PLB1: variants seen among roughly 807,000 people sequenced by gnomAD.
The protein encoded by PLB1 is phospholipase B1, membrane-associated.
A neutral mutation model predicts 227.4 loss-of-function variants in PLB1; 242 were observed. That is an observed-to-expected ratio of 1.06 (90% confidence interval 0.96 to 1.18). PLB1 has a LOEUF of 1.18. Among genes scored for constraint, PLB1 ranks in the 50% most tolerant of loss-of-function variants. The pLI is 0.00. For synonymous variants in PLB1, 757 were observed against 682.2 expected, an observed-to-expected ratio of 1.11 and a Z score of -1.71; for missense variants, 1,858 against 1,816.3, an observed-to-expected ratio of 1.02 and a Z score of -0.42.
intron 25 of PLB1, among the ~76,000 whole-genome samples, chr2:28,585,298 C>T (rs933265712): frequency 1.3e-5 from 2 of 150,576 alleles, no homozygotes; most frequent in African/African-American, 4.9e-5. Flanking sequence ...TCTTTTGAGA[C>T]AGAGTCTCGC....
intron 16 of PLB1, among the ~76,000 whole-genome samples, chr2:28,551,546 C>T (rs966741708): frequency 4.6e-5 from 7 of 152,132 alleles, no homozygotes; most frequent in Non-Finnish European, 8.8e-5. Flanking sequence ...GTGAAAGACT[C>T]GATTTATCAA....
chr2:28,532,056 G>T, intron 8 of PLB1, 52 bp from the exon 9 acceptor site: 4 of 1,329,180 alleles, frequency 3.0e-6, no homozygotes, highest in Non-Finnish European at 3.2e-6. Flanking sequence ...ACATTATTTT[G>T]GTTCAAGGTC....
intron 17 of PLB1, among the ~76,000 whole-genome samples, chr2:28,558,578 T>C (rs1157716570): frequency 2.4e-4 from 37 of 152,216 alleles, no homozygotes; most frequent in Admixed American, 2.4e-3. Flanking sequence ...TGATTTGCTA[T>C]TGTTCTTCTA....
chr2:28,591,698 AG>A lies in PLB1; in HGVS notation c.2129del. On this transcript the variant is annotated splice_acceptor_variant, in intron 30 of 57. Coordinates refer to ENST00000327757, the MANE Select transcript of PLB1 (RefSeq NM_153021.5). LOFTEE classifies it high-confidence loss of function. ...ATTCTGGGATTTGTTCTATGCCCTT[AG>A]GGTCATGGGACCTGGCTGCCATGCA... 6.2e-7 allele frequency: 1 copy of A among 1,613,900 alleles called. No homozygotes were observed. The highest frequency in any genetic ancestry group is 8.5e-7 in the Non-Finnish European group (1 of 1,179,910).
Position 28,643,101 on chromosome 2 carries a change from C to G in PLB1, c.*40C>G. ...CCTCACCCTAAACTCCCTATAGCCA[C>G]TCTCTTCACCGCCCTCTGCCCCAGC... On this transcript the variant is annotated 3_prime_UTR_variant, in exon 58 of 58. Transcript: ENST00000327757. 1.3e-6 allele frequency: 2 copies of G among 1,507,242 alleles called. No individual in the cohort carries two copies. The highest frequency in any genetic ancestry group is 1.8e-6 in the Non-Finnish European group (2 of 1,118,518). 93.4% of individuals were successfully genotyped at this position (1,507,242 alleles called of 1,614,324 possible).
chr2:28,567,813 T>C (rs1677306540), intron 20 of PLB1, among the ~76,000 whole-genome samples: 1 of 152,200 alleles, frequency 6.6e-6, no homozygotes, highest in South Asian at 2.1e-4. Flanking sequence ...TTTTTAAAAT[T>C]CTCGCCAGTG....
In PLB1 at chr2:28,525,316, C is replaced by T. The variant is rs1321402372; in HGVS notation, c.284+9C>T. ...CTGGAGAAGCAAGACTGGTAACTAT[C>T]CTGAAAACACAGAAAACAGAAAGGA... On this transcript the variant is annotated intron_variant, in intron 5 of 57. Coordinates refer to ENST00000327757, the MANE Select transcript of PLB1 (RefSeq NM_153021.5). The T allele has an allele frequency of 1.2e-6, 2 of 1,612,874 alleles. No homozygotes were observed. Among genetic ancestry groups the T allele is most frequent in the Admixed American group, 1.7e-5 (1 of 59,952 alleles).
intron 25 of PLB1, among the ~76,000 whole-genome samples, chr2:28,583,017 A>G (rs1680308631): frequency 6.6e-6 from 1 of 152,172 alleles, no homozygotes; most frequent in Non-Finnish European, 1.5e-5. Context: ...AGCAGGGTCC[A>G]GAGGACAGAG....
intron 4 of PLB1, among the ~76,000 whole-genome samples, chr2:28,520,989 A>G (rs1669458660): frequency 6.6e-6 from 1 of 152,188 alleles, no homozygotes; most frequent in South Asian, 2.1e-4. Flanking sequence ...AAAACAAAAC[A>G]AAAAAGAAAT....
chr2:28,549,863 GAA>G, intron 15 of PLB1, 145 bp from the exon 16 acceptor site: 1 of 594,496 alleles, frequency 1.7e-6, no homozygotes, highest in Non-Finnish European at 3.0e-6. Flanking sequence ...GGACCAGAGA[GAA>G]GAGCCAGAGA....
At chr2:28,510,526 C>T (rs1390365148) in intron 1 of PLB1, among the ~76,000 whole-genome samples, 5 of 152,100 alleles carry the variant, frequency 3.3e-5, no homozygotes, top group Admixed American at 1.3e-4. Flanking sequence ...CATACACCCT[C>T]CTCAGCTTCT....
chr2:28,601,457 C>A, intron 37 of PLB1, 125 bp downstream of exon 37: 1 of 690,790 alleles, frequency 1.4e-6, no homozygotes, highest in Non-Finnish European at 2.6e-6. Context: ...TATGTCTGCA[C>A]ATATACACAT....
At chr2:28,632,293 G>A (rs777310619) in intron 55 of PLB1, among the ~76,000 whole-genome samples, 153 bp downstream of exon 55, 4 of 149,466 alleles carry the variant, frequency 2.7e-5, no homozygotes, top group Non-Finnish European at 4.4e-5. Context: ...CCTCCTTTTT[G>A]TGGGGGCTGG....
At chr2:28,518,104 A>C (rs1669062370) in intron 2 of PLB1, among the ~76,000 whole-genome samples, 1 of 151,412 alleles carries the variant, frequency 6.6e-6, no homozygotes, top group Admixed American at 6.6e-5. Flanking sequence ...CTGGTCTCAA[A>C]CTCCTGATCT....
intron 51 of PLB1, among the ~76,000 whole-genome samples, chr2:28,627,031 G>C (rs747788412): frequency 2.0e-5 from 3 of 152,124 alleles, no homozygotes; most frequent in Non-Finnish European, 4.4e-5. Context: ...TTTTATTTTG[G>C]AATACATCTT....
intron 30 of PLB1, 47 bp from the exon 31 acceptor site, chr2:28,591,653 T>C (rs1681961579): frequency 1.9e-6 from 3 of 1,590,824 alleles, no homozygotes; most frequent in Non-Finnish European, 2.6e-6. Context: ...CCAGTTTTTC[T>C]GGTCCCTTTC....
At position 28,520,852 on chromosome 2, in the gene PLB1, G is replaced by T. The variant is rs536695118; in HGVS notation, c.243+1089G>T. Among the ~76,000 whole-genome samples, 3 of 152,268 alleles carry T rather than the reference G, an allele frequency of 2.0e-5. No homozygotes were observed. In the East Asian group the frequency reaches 5.8e-4, roughly 29 times the overall value. Reference sequence around the variant, plus strand: ...TAGCCGGGCATGGTCGTGGGCACCTGTAATCCCAGCTACTTGGGAGGCTGA... The same window carrying T: ...TAGCCGGGCATGGTCGTGGGCACCTTTAATCCCAGCTACTTGGGAGGCTGA... On this transcript the variant is annotated intron_variant, in intron 4 of 57. Transcript: ENST00000327757.
At position 28,590,460 on chromosome 2, in the gene PLB1, T is replaced by C. The variant is rs181584977; in HGVS notation, c.2088+384T>C. Among the ~76,000 whole-genome samples, 4 of 152,174 alleles carry C rather than the reference T, an allele frequency of 2.6e-5. No individual in the cohort carries two copies. The East Asian group carries it at 7.7e-4, about 29-fold the overall frequency. On this transcript the variant is annotated intron_variant, in intron 29 of 57. Transcript: ENST00000327757. Reference sequence around the variant, plus strand: ...CATATAGCCCCTGCCTCCATGACAATATGGGTAGAGCGAGGAATCGAGACC... The same window carrying C: ...CATATAGCCCCTGCCTCCATGACAACATGGGTAGAGCGAGGAATCGAGACC...
chr2:28,611,916 G>T (rs1012471034), intron 43 of PLB1, among the ~76,000 whole-genome samples: 5 of 150,546 alleles, frequency 3.3e-5, no homozygotes, highest in African/African-American at 1.2e-4. Context: ...TGAGGCGGGC[G>T]GATCACCAGG....
Sources: allele counts gnomAD v4.1 joint callset (sites outside exome capture counted in the v4.1 genomes callset), GRCh38; gene constraint gnomAD v4.1.1; transcripts MANE v1.5; gene names NCBI Gene and HGNC (gene_info 2026-07-23, HGNC 2026-07-21).